The following DYRK1A variants were observed in gnomAD, a reference collection of about 807,000 sequenced individuals.
DYRK1A encodes dual specificity tyrosine-phosphorylation-regulated kinase 1A.
Under a neutral mutation model 79.7 loss-of-function variants are expected in DYRK1A, and 9 were observed. The observed-to-expected ratio is 0.11, with a 90% confidence interval of 0.07 to 0.20. The LOEUF (loss-of-function observed/expected upper bound fraction) is 0.20, where lower values mean the gene tolerates loss of function less well. Among genes scored for constraint, DYRK1A ranks in the 10% least tolerant of loss-of-function variants. The probability of loss-of-function intolerance (pLI) is 1.00; values close to 1 mark genes in which losing one functional copy is unlikely to be tolerated. For synonymous variants in DYRK1A, 349 were observed against 329.7 expected (o/e 1.06, Z -0.63); for missense variants, 622 against 956.0 (o/e 0.65, Z 4.61).
chr21:37,372,916 T>C (rs771404746), intron 1 of DYRK1A, among the ~76,000 whole-genome samples: 13 of 152,188 alleles, frequency 8.5e-5, no homozygotes, highest in Non-Finnish European at 1.8e-4. Context: ...ACTGCAAATA[T>C]GATTATTCAT....
intron 1 of DYRK1A, among the ~76,000 whole-genome samples, chr21:37,398,145 T>A (rs1166498324): frequency 6.7e-6 from 1 of 148,642 alleles, no homozygotes; most frequent in Non-Finnish European, 1.5e-5. Flanking sequence ...TATATATATA[T>A]TTTTTTACCC....
intron 10 of DYRK1A, 65 bp downstream of exon 10, chr21:37,505,654 A>G: frequency 6.8e-7 from 1 of 1,475,912 alleles, no homozygotes; most frequent in South Asian, 1.3e-5. Flanking sequence ...AAGTGGGATT[A>G]TTTTAAAGTG....
chr21:37,481,068 T>C lies in DYRK1A; in HGVS notation c.489+242T>C, dbSNP rs1378870448. 5 of 410,650 alleles carry C rather than the reference T, an allele frequency of 1.2e-5. No homozygotes were observed. In the Admixed American group the frequency reaches 1.7e-4, roughly 14 times the overall value. The allele number at this position is 410,650 out of a possible 1,614,324, so 25.4% of individuals were successfully genotyped here. A position where few individuals can be genotyped will look rare whatever the true frequency, so the allele number is the denominator to read the frequency against. ...AAGTGCTCATTTTACTAATGACTGG[T>C]GAATTTTAATCACTTAATAGATAGT... is the stretch of plus-strand genomic sequence containing the variant. On this transcript the variant is annotated intron_variant, in intron 5 of 11. Coordinates refer to ENST00000647188, the MANE Select transcript of DYRK1A (RefSeq NM_001347721.2).
intron 4 of DYRK1A, among the ~76,000 whole-genome samples, chr21:37,479,331 G>A (rs1253598627): frequency 6.6e-6 from 1 of 152,036 alleles, no homozygotes; most frequent in African/African-American, 2.4e-5. Flanking sequence ...CTGATAAATT[G>A]TTGATAACAG....
chr21:37,512,287 G>A lies in DYRK1A; in HGVS notation c.2021G>A (p.Arg674His), dbSNP rs1601335825. 3.1e-6 allele frequency: 5 copies of A among 1,614,126 alleles called. No homozygotes were observed. Among genetic ancestry groups the A allele is most frequent in the East Asian group, 2.2e-5 (1 of 44,888 alleles). The change falls in exon 12 of 12, where the codon CGC (arginine) becomes CAC (histidine). Residue 674 changes from arginine to histidine, a missense_variant. By Grantham distance (29) the Arg-to-His change is conservative. This residue lies in a region of DYRK1A where 292 missense variants were observed against 316.7 expected (regional missense o/e 0.92). Transcript: ENST00000647188. ...CAAGGCAATCAGGCCTACCAGAATC[G>A]CCCAGTGGCTGCTAATACCTTGGAC... ...GNQGNQAYQN[R>H]PVAANTLDFG...
intron 11 of DYRK1A, 101 bp downstream of exon 11, chr21:37,506,324 A>T (rs188763724): frequency 6.2e-7 from 1 of 1,606,598 alleles, no homozygotes; most frequent in African/African-American, 1.3e-5. Context: ...CATTTACCCT[A>T]GAGGTTCATG....
rs771988298 is a variant in DYRK1A at position 37,511,933 on chromosome 21, C to G, written c.1667C>G (p.Pro556Arg). The change falls in exon 12 of 12, where the codon CCT becomes CGT. Residue 556 changes from proline (P) to arginine (R), a missense_variant. This residue lies in a region of DYRK1A where 292 missense variants were observed against 316.7 expected (regional missense o/e 0.92). Transcript: ENST00000647188. ...SPQVRQQFPA[P>R]LGWSGTEAPT... is the part of the protein sequence containing the mutation. ...CAGGTGCGTCAGCAATTTCCTGCTCCTCTTGGTTGGTCAGGCACTGAAGCT... is the reference window on the plus strand; with the variant it reads ...CAGGTGCGTCAGCAATTTCCTGCTCGTCTTGGTTGGTCAGGCACTGAAGCT... 6.2e-7 allele frequency: 1 copy of G among 1,613,480 alleles called. No individual in the cohort carries two copies. Among genetic ancestry groups the G allele is most frequent in the Non-Finnish European group, 8.5e-7 (1 of 1,179,450 alleles).
chr21:37,368,421 C>G (rs915343038), intron 1 of DYRK1A, among the ~76,000 whole-genome samples: 1 of 152,224 alleles, frequency 6.6e-6, no homozygotes, highest in Non-Finnish European at 1.5e-5. Context: ...CCTCCCTAAT[C>G]TGAAATAGTT....
chr21:37,488,520 T>G, intron 6 of DYRK1A: 1 of 933,610 alleles, frequency 1.1e-6, no homozygotes, highest in Non-Finnish European at 1.3e-6. Flanking sequence ...CCTGCCATGG[T>G]CTAGTTAAAA....
chr21:37,446,978 C>T (rs2051294552), intron 2 of DYRK1A, among the ~76,000 whole-genome samples: 1 of 152,116 alleles, frequency 6.6e-6, no homozygotes, highest in Admixed American at 6.5e-5. Context: ...TGCCACCATT[C>T]CTCATTGCTA....
chr21:37,466,326 T>C (rs1381546035), intron 2 of DYRK1A, among the ~76,000 whole-genome samples: 1 of 152,214 alleles, frequency 6.6e-6, no homozygotes, highest in African/African-American at 2.4e-5. Flanking sequence ...AATTAGATTT[T>C]GATTAGTCAA....
rs934465786 is a variant in DYRK1A at position 37,367,493 on chromosome 21, A to G, written c.-212A>G. The G allele has an allele frequency of 6.7e-6, 1 of 148,396 alleles. No individual in the cohort carries two copies. The highest frequency in any genetic ancestry group is 1.5e-5 in the Non-Finnish European group (1 of 66,586). The allele number at this position is 148,396 out of a possible 1,614,324, so 9.2% of individuals were successfully genotyped here. On this transcript the variant is annotated 5_prime_UTR_variant, in exon 1 of 12. Coordinates refer to ENST00000647188, the MANE Select transcript of DYRK1A (RefSeq NM_001347721.2). ...AGACTGAGCAGGCTGCGGCGCGGCC[A>G]GGAGCCGGAGCGCCGGGGGCGGAGA...
At chr21:37,381,204 A>G (rs951596401) in intron 1 of DYRK1A, among the ~76,000 whole-genome samples, 24 of 152,236 alleles carry the variant, frequency 1.6e-4, no homozygotes, top group Non-Finnish European at 2.9e-4. Flanking sequence ...CTCAAGGACC[A>G]AAAACCTACA....
intron 2 of DYRK1A, among the ~76,000 whole-genome samples, chr21:37,441,993 G>A (rs909184258): frequency 6.8e-6 from 1 of 147,198 alleles, no homozygotes; most frequent in African/African-American, 2.5e-5. Context: ...TATTTTCAGT[G>A]GGTATGGAAC....
At chr21:37,372,289 CAAAACA>C (rs1289019155) in intron 1 of DYRK1A, among the ~76,000 whole-genome samples, 1,503 of 99,492 alleles carry the variant, frequency 0.015, 28 homozygotes, top group African/African-American at 0.06. Context: ...AAAAACAAAA[CAAAACA>C]AAAAAAAAAC....
chr21:37,501,166 G>GT (rs34646709), intron 9 of DYRK1A, among the ~76,000 whole-genome samples: 5,331 of 93,934 alleles, frequency 0.057, 185 homozygotes, highest in African/African-American at 0.07. Context: ...GTTGTTGTTG[G>GT]TTTTTTTTTT....
At position 37,519,068 on chromosome 21, in the gene DYRK1A, T is replaced by G. The variant is rs1228238412; in HGVS notation, c.*6537T>G. On this transcript the variant is annotated 3_prime_UTR_variant, in exon 12 of 12. Coordinates refer to ENST00000647188, the MANE Select transcript of DYRK1A (RefSeq NM_001347721.2). ...GTAAGTATATAAAACTTACACAGTT[T>G]GTTCCTTTTTGTTGTCTTCCCTTGT... The G allele has an allele frequency of 2.0e-5, 3 of 152,246 alleles. No homozygotes were observed. Among genetic ancestry groups the G allele is most frequent in the Non-Finnish European group, 4.4e-5 (3 of 68,046 alleles). 9.4% of individuals were successfully genotyped at this position (152,246 alleles called of 1,614,324 possible).
chr21:37,513,860 A>G lies in DYRK1A; in HGVS notation c.*1329A>G, dbSNP rs754785487. 3 of 152,646 alleles carry G rather than the reference A, an allele frequency of 2.0e-5. No homozygotes were observed. The highest frequency in any genetic ancestry group is 4.4e-5 in the Non-Finnish European group (3 of 68,038). The allele number at this position is 152,646 out of a possible 1,614,324, so 9.5% of individuals were successfully genotyped here. A position where few individuals can be genotyped will look rare whatever the true frequency, so the allele number is the denominator to read the frequency against. ...TATAGCACATAGATGTCTGTAACCA[A>G]TAATGTAGCAGTTCTGCACTTTGAC... is the stretch of plus-strand genomic sequence containing the variant. On this transcript the variant is annotated 3_prime_UTR_variant, in exon 12 of 12. Transcript: ENST00000647188.
chr21:37,478,748 C>T (rs1034450732), intron 4 of DYRK1A, among the ~76,000 whole-genome samples: 11 of 151,946 alleles, frequency 7.2e-5, no homozygotes, highest in Non-Finnish European at 1.2e-4. Flanking sequence ...GGCATTTGGC[C>T]TAGTTTATTT....
Sources: allele counts gnomAD v4.1 joint callset (sites outside exome capture counted in the v4.1 genomes callset), GRCh38; gene constraint gnomAD v4.1.1; regional missense constraint gnomAD v4.1.1; transcripts MANE v1.5; gene names NCBI Gene and HGNC (gene_info 2026-07-23, HGNC 2026-07-21).